The following GRIN2A variants were observed in gnomAD, a reference collection of about 807,000 sequenced individuals.
The protein encoded by GRIN2A is glutamate ionotropic receptor NMDA type subunit 2A.
Under a neutral mutation model 113.4 loss-of-function variants are expected in GRIN2A, and 22 were observed. The ratio of observed to expected loss-of-function variants is 0.19; its 90% CI spans 0.14 to 0.28. GRIN2A has a LOEUF of 0.28. GRIN2A is among the 10% of genes least tolerant of loss of function. The pLI is 1.00. For synonymous variants in GRIN2A, 827 were observed against 738.4 expected, an observed-to-expected ratio of 1.12 and a Z score of -1.94; for missense variants, 1,502 against 1,887.0, an observed-to-expected ratio of 0.80 and a Z score of 3.78.
chr16:9,766,079 T>A (rs1299911614), intron 12 of GRIN2A, among the ~76,000 whole-genome samples: 1 of 152,050 alleles, frequency 6.6e-6, no homozygotes, highest in East Asian at 1.9e-4. Flanking sequence ...TTCTCCCCAC[T>A]CCTACCCCAG....
intron 3 of GRIN2A, among the ~76,000 whole-genome samples, chr16:9,918,423 G>T (rs555152007): frequency 6.6e-6 from 1 of 152,074 alleles, no homozygotes; most frequent in Non-Finnish European, 1.5e-5. Context: ...TAATAAAATA[G>T]AACAATTATA....
intron 11 of GRIN2A, among the ~76,000 whole-genome samples, chr16:9,783,411 A>G (rs537625182): frequency 6.6e-6 from 1 of 152,366 alleles, no homozygotes; most frequent in African/African-American, 2.4e-5. Flanking sequence ...CACTGTTATT[A>G]TAGTCAATAA....
intron 2 of GRIN2A, among the ~76,000 whole-genome samples, chr16:10,070,240 G>C (rs560305847): frequency 3.3e-5 from 5 of 152,078 alleles, no homozygotes; most frequent in Non-Finnish European, 7.4e-5. Context: ...CCACCTCGAA[G>C]CACCTCCATT....
At chr16:9,978,362 C>G (rs994989844) in intron 2 of GRIN2A, among the ~76,000 whole-genome samples, 3 of 152,152 alleles carry the variant, frequency 2.0e-5, no homozygotes, top group Non-Finnish European at 4.4e-5. Flanking sequence ...CCTCAGTTTG[C>G]TCATTTCGAG....
intron 2 of GRIN2A, among the ~76,000 whole-genome samples, chr16:9,998,710 T>G (rs1237512969): frequency 6.6e-6 from 1 of 152,150 alleles, no homozygotes; most frequent in African/African-American, 2.4e-5. Context: ...TCAACTAATT[T>G]CAGAATCAGT....
At chr16:9,802,496 A>G (rs139235387) in intron 10 of GRIN2A, among the ~76,000 whole-genome samples, 2 of 152,336 alleles carry the variant, frequency 1.3e-5, no homozygotes, top group African/African-American at 4.8e-5. Context: ...ACTTTAAAAA[A>G]AGAGATGGCC....
chr16:9,837,800 G>A (rs182749955), intron 7 of GRIN2A, among the ~76,000 whole-genome samples: 6 of 152,266 alleles, frequency 3.9e-5, no homozygotes, highest in African/African-American at 1.4e-4. Flanking sequence ...TAAAATACGA[G>A]TATCTGAATC....
At chr16:9,861,606 T>G (rs964119268) in intron 4 of GRIN2A, among the ~76,000 whole-genome samples, 1 of 152,202 alleles carries the variant, frequency 6.6e-6, no homozygotes, top group African/African-American at 2.4e-5. Context: ...TAGGTTGACA[T>G]ATGCTGTATC....
intron 2 of GRIN2A, among the ~76,000 whole-genome samples, chr16:10,108,652 G>C (rs966187596): frequency 1.3e-5 from 2 of 152,150 alleles, no homozygotes; most frequent in African/African-American, 4.8e-5. Flanking sequence ...CGGGGTTAAA[G>C]CTGAGATGAG....
intron 2 of GRIN2A, among the ~76,000 whole-genome samples, chr16:9,981,181 C>T (rs991185407): frequency 2.0e-5 from 3 of 152,060 alleles, no homozygotes; most frequent in African/African-American, 7.2e-5. Flanking sequence ...AAAATGCCAT[C>T]CATGCTGTTT....
intron 4 of GRIN2A, among the ~76,000 whole-genome samples, chr16:9,871,470 AT>A (rs1834497274): frequency 6.6e-6 from 1 of 151,432 alleles, no homozygotes; most frequent in East Asian, 1.9e-4. Context: ...TAAAAGTGCC[AT>A]TTAAAAGTCT....
In GRIN2A at chr16:9,764,667, G is replaced by C. The variant is rs756576680; in HGVS notation, c.2877C>G (p.Asn959Lys). The C allele has an allele frequency of 3.1e-6, 5 of 1,614,030 alleles. No individual in the cohort carries two copies. The highest frequency in any genetic ancestry group is 1.7e-5 in the Admixed American group (1 of 60,014). ...CCACAAATGTTTGGAGTTCGTTCAT[G>C]TTGTCTCCAAAAATGCTCTCTTTCC... is the stretch of plus-strand genomic sequence containing the variant. ...FQGKESIFGDNMNELQTFVAN... is the reference protein window; with the variant it reads ...FQGKESIFGDKMNELQTFVAN... Residue 959 changes from asparagine (N) to lysine (K), a missense_variant, in exon 13 of 13, where the codon AAC becomes AAG. Transcript: ENST00000330684.
At chr16:9,937,691 GA>G (rs1199142587) in intron 3 of GRIN2A, 4 of 493,800 alleles carry the variant, frequency 8.1e-6, no homozygotes, top group Admixed American at 3.3e-5. Flanking sequence ...TAGACAGACA[GA>G]CAGATCGATC....
intron 5 of GRIN2A, among the ~76,000 whole-genome samples, chr16:9,846,739 C>T (rs1430270137): frequency 6.6e-6 from 1 of 152,124 alleles, no homozygotes; most frequent in Non-Finnish European, 1.5e-5. Flanking sequence ...AGAGCTAACC[C>T]AGCTTGGGGA....
At chr16:10,062,875 A>G (rs1489724456) in intron 2 of GRIN2A, among the ~76,000 whole-genome samples, 4 of 152,228 alleles carry the variant, frequency 2.6e-5, no homozygotes, top group Admixed American at 6.5e-5. Context: ...AAAAAAAAAA[A>G]AAGAAGAAGA....
chr16:9,808,519 G>A (rs193252210), intron 10 of GRIN2A, among the ~76,000 whole-genome samples: 3 of 152,302 alleles, frequency 2.0e-5, no homozygotes, highest in African/African-American at 7.2e-5. Flanking sequence ...GCTATTATGT[G>A]TTAGATAGAA....
intron 3 of GRIN2A, among the ~76,000 whole-genome samples, chr16:9,921,172 G>A (rs1313102105): frequency 6.6e-6 from 1 of 152,168 alleles, no homozygotes; most frequent in African/African-American, 2.4e-5. Flanking sequence ...ATAGATCCCT[G>A]TGCTAATGAC....
At chr16:9,910,249 A>G (rs747302770) in intron 3 of GRIN2A, among the ~76,000 whole-genome samples, 5 of 152,144 alleles carry the variant, frequency 3.3e-5, no homozygotes, top group Non-Finnish European at 7.3e-5. Flanking sequence ...TTTTAGGGGT[A>G]GGGTAATGAG....
rs2050245009 is a variant in GRIN2A at position 10,180,445 on chromosome 16, T to C, written c.-18-16A>G. On this transcript the variant is annotated splice_polypyrimidine_tract_variant and intron_variant, in intron 1 of 12. Transcript: ENST00000330684. This position sits in a 1 kb window ranked among gnomAD's most constrained non-coding sequence, Gnocchi z 7.0. ...CTGACGGTCCCTGCAAGGTGAAGAG[T>C]GAGAGGCAGGGCCGCGGTGAGCAAG... The C allele has an allele frequency of 6.3e-7, 1 of 1,595,704 alleles. No individual in the cohort carries two copies. The highest frequency in any genetic ancestry group is 1.3e-5 in the African/African-American group (1 of 74,836).
Sources: gnomAD v4.1 joint callset for allele counts (sites outside exome capture counted in the v4.1 genomes callset) on GRCh38, gnomAD v4.1.1 for gene constraint, Gnocchi (gnomAD v3.1) non-coding constraint, MANE v1.5 for transcripts, NCBI Gene and HGNC (gene_info 2026-07-23, HGNC 2026-07-21) for gene names.